Variants in TMEM33 observed in about 807,000 individuals in gnomAD.
TMEM33 encodes the protein transmembrane protein 33.
A neutral mutation model predicts 29.7 loss-of-function variants in TMEM33; 16 were observed. The observed-to-expected ratio is 0.54, with a 90% CI of 0.36 to 0.82. The LOEUF (loss-of-function observed/expected upper bound fraction) is 0.82, where lower values mean the gene tolerates loss of function less well. Ranked by LOEUF, TMEM33 falls within the 40% of genes least tolerant of loss-of-function variation. TMEM33 has a pLI of 0.00. For missense variants in TMEM33, 252 were observed against 295.3 expected (o/e 0.85, Z 1.08); for synonymous variants, 112 against 109.4 (o/e 1.02, Z -0.15).
Position 41,943,897 on chromosome 4 carries a change from C to T in TMEM33, c.396+83C>T, listed in dbSNP as rs1211015818. 3.1e-6 allele frequency: 4 copies of T among 1,294,734 alleles called. No individual in the cohort carries two copies. In the East Asian group the frequency reaches 9.3e-5, roughly 30 times the overall value. The allele number at this position is 1,294,734 out of a possible 1,614,324, so 80.2% of individuals were successfully genotyped here. On this transcript the variant is annotated intron_variant, in intron 4 of 6. Coordinates refer to ENST00000504986, the MANE Select transcript of TMEM33 (RefSeq NM_018126.3). ...AGTTCTAAGACATTTTGGTATTTGT[C>T]ACAAAAAGTCCCTCTATACCTTACA...
intron 3 of TMEM33, among the ~76,000 whole-genome samples, chr4:41,940,475 T>C (rs536421754): frequency 2.9e-4 from 44 of 152,034 alleles, no homozygotes; most frequent in Non-Finnish European, 5.3e-4. Context: ...GGAAAAGAAA[T>C]AGGAGGAAAC....
In TMEM33 at chr4:41,935,479, G is replaced by T. The variant is rs990711810; in HGVS notation, c.-6G>T. On this transcript the variant is annotated 5_prime_UTR_variant, in exon 1 of 7. Coordinates refer to ENST00000504986, the MANE Select transcript of TMEM33 (RefSeq NM_018126.3). Reference sequence around the variant, plus strand: ...TGCGGCGTCGCAGACGCTAGTGTGAGCCCCCATGGCAGATACGACCCCGAA... The same window carrying T: ...TGCGGCGTCGCAGACGCTAGTGTGATCCCCCATGGCAGATACGACCCCGAA... 2 of 1,608,184 alleles carry T rather than the reference G, an allele frequency of 1.2e-6. No homozygotes were observed. The highest frequency in any genetic ancestry group is 1.7e-6 in the Non-Finnish European group (2 of 1,177,382).
rs1321054844 is a variant in TMEM33, at chr4:41,956,981, G to A, written c.*2782G>A. The A allele has an allele frequency of 1.3e-5, 2 of 152,088 alleles. No individual in the cohort carries two copies. Among genetic ancestry groups the A allele is most frequent in the African/African-American group, 4.8e-5 (2 of 41,426 alleles). 9.4% of individuals were successfully genotyped at this position (152,088 alleles called of 1,614,324 possible). ...TACAATAGCAATATATAGAATGAAT[G>A]TAGTAACAGAAATTAACTCTTTACT... On this transcript the variant is annotated 3_prime_UTR_variant, in exon 7 of 7. Transcript: ENST00000504986.
chr4:41,949,198 T>G, intron 5 of TMEM33, 104 bp from the exon 6 acceptor site: 1 of 662,028 alleles, frequency 1.5e-6, no homozygotes, highest in African/African-American at 1.9e-5. Flanking sequence ...GACCATTTGA[T>G]GAATGAAGAT....
At position 41,958,700 on chromosome 4, in the gene TMEM33, CTTTTTTTTTTTTT is replaced by C. The variant is rs750862386; in HGVS notation, c.*4515_*4527del. ...GTAGAGACAACTAGTTTCTCTCGCT[CTTTTTTTTTTTTT>C]TTTTTTTTTTTTTGAGACAGATTCT... On this transcript the variant is annotated 3_prime_UTR_variant, in exon 7 of 7. Coordinates refer to ENST00000504986, the MANE Select transcript of TMEM33 (RefSeq NM_018126.3). 2 of 93,786 alleles carry C rather than the reference CTTTTTTTTTTTTT, an allele frequency of 2.1e-5. No individual in the cohort carries two copies. The highest frequency in any genetic ancestry group is 1.0e-4 in the Admixed American group (1 of 9,620). The allele number at this position is 93,786 out of a possible 1,614,324, so 5.8% of individuals were successfully genotyped here.
chr4:41,935,798 C>G (rs550341808), intron 1 of TMEM33, among the ~76,000 whole-genome samples: 1 of 152,312 alleles, frequency 6.6e-6, no homozygotes, highest in African/African-American at 2.4e-5. Context: ...TTCCTCTTCT[C>G]CCACCTCGGT....
intron 2 of TMEM33, 133 bp downstream of exon 2, chr4:41,938,829 G>A (rs971690933): frequency 1.3e-5 from 10 of 750,718 alleles, no homozygotes; most frequent in Non-Finnish European, 1.8e-5. Flanking sequence ...CAGCCTTCAG[G>A]TACTAACAAC....
At chr4:41,944,308 A>G (rs1439982690) in intron 4 of TMEM33, 1 of 175,574 alleles carries the variant, frequency 5.7e-6, no homozygotes, top group Non-Finnish European at 1.2e-5. Context: ...TAAAATATCC[A>G]GGCACATTTA....
At chr4:41,943,911 C>A in intron 4 of TMEM33, 97 bp downstream of exon 4, 1 of 1,041,476 alleles carries the variant, frequency 9.6e-7, no homozygotes, top group Non-Finnish European at 1.5e-6. Flanking sequence ...AAAAGTCCCT[C>A]TATACCTTAC....
rs1713196038 is a variant in TMEM33, at chr4:41,954,925, C to G, written c.*726C>G. The G allele has an allele frequency of 6.6e-6, 1 of 152,406 alleles. No individual in the cohort carries two copies. The highest frequency in any genetic ancestry group is 6.6e-5 in the Admixed American group (1 of 15,266). 9.4% of individuals were successfully genotyped at this position (152,406 alleles called of 1,614,324 possible). ...GTGACACAGCTTTCCCTTCAAAGAGCCATTGAGAAACATTTCTCAAACAGG... is the reference window on the plus strand; with the variant it reads ...GTGACACAGCTTTCCCTTCAAAGAGGCATTGAGAAACATTTCTCAAACAGG... On this transcript the variant is annotated 3_prime_UTR_variant, in exon 7 of 7. Coordinates refer to ENST00000504986, the MANE Select transcript of TMEM33 (RefSeq NM_018126.3).
Position 41,938,539 on chromosome 4 carries a change from G to A in TMEM33, c.46-63G>A, listed in dbSNP as rs549309960. The stretch of plus-strand genomic sequence containing the variant: ...TTTGAGTAGACATAAAAACCACACA[G>A]TCTTGATGCTTAAAAACATGATTTG... On this transcript the variant is annotated intron_variant, in intron 1 of 6. Coordinates refer to ENST00000504986, the MANE Select transcript of TMEM33 (RefSeq NM_018126.3). 76 of 1,466,746 alleles carry A rather than the reference G, an allele frequency of 5.2e-5. 2 individuals carry two copies. In the South Asian group the frequency reaches 7.4e-4, roughly 14 times the overall value. 90.9% of individuals were successfully genotyped at this position (1,466,746 alleles called of 1,614,324 possible). A position where few individuals can be genotyped will look rare whatever the true frequency, so the allele number is the denominator to read the frequency against.
intron 1 of TMEM33, among the ~76,000 whole-genome samples, chr4:41,936,449 G>A (rs573112634): frequency 6.6e-6 from 1 of 152,312 alleles, no homozygotes; most frequent in Non-Finnish European, 1.5e-5. Flanking sequence ...AGGCCAAGGC[G>A]GGTGGATCGC....
rs746169242 is a variant in TMEM33 at position 41,935,429 on chromosome 4, C to G, written c.-56C>G. On this transcript the variant is annotated 5_prime_UTR_variant, in exon 1 of 7. Coordinates refer to ENST00000504986, the MANE Select transcript of TMEM33 (RefSeq NM_018126.3). ...CCTGGCCCCAGCGCTGACGTTTTCT[C>G]TCCCCTTTCTTCTCTCTTCGCGGTT... 11 of 1,558,042 alleles carry G rather than the reference C, an allele frequency of 7.1e-6. No homozygotes were observed. The highest frequency in any genetic ancestry group is 9.6e-6 in the Non-Finnish European group (11 of 1,147,310).
intron 2 of TMEM33, 65 bp downstream of exon 2, chr4:41,938,761 T>G (rs956476688): frequency 1.3e-6 from 2 of 1,496,628 alleles, no homozygotes; most frequent in African/African-American, 2.8e-5. Context: ...TGGAGTGCCT[T>G]TTAGGTGTAA....
intron 1 of TMEM33, among the ~76,000 whole-genome samples, chr4:41,938,117 A>T (rs1256213025): frequency 1.3e-5 from 2 of 152,208 alleles, no homozygotes; most frequent in African/African-American, 4.8e-5. Context: ...TTTAATCCCA[A>T]CTGGCTTTAT....
At chr4:41,951,307 A>G (rs1165077027) in intron 6 of TMEM33, among the ~76,000 whole-genome samples, 1 of 152,164 alleles carries the variant, frequency 6.6e-6, no homozygotes, top group Non-Finnish European at 1.5e-5. Context: ...TGTGTTGCTG[A>G]TGGCAACTGT....
chr4:41,951,449 G>A (rs1713036611), intron 6 of TMEM33, among the ~76,000 whole-genome samples: 1 of 152,108 alleles, frequency 6.6e-6, no homozygotes, highest in South Asian at 2.1e-4. Flanking sequence ...TCTGTTGTCC[G>A]TGCTGTTAAG....
chr4:41,944,669 C>T (rs1712699776), intron 4 of TMEM33, 124 bp from the exon 5 acceptor site: 4 of 1,091,272 alleles, frequency 3.7e-6, no homozygotes, highest in Non-Finnish European at 3.9e-6. Context: ...AACTTCGTAC[C>T]ATCATTTCCA....
At chr4:41,939,744 A>T (rs1712429092) in intron 3 of TMEM33, 1 of 458,192 alleles carries the variant, frequency 2.2e-6, no homozygotes, top group East Asian at 6.9e-5. Flanking sequence ...TGCTTTAAAA[A>T]AGAGAGGTCC....
Sources: gnomAD v4.1 joint callset for allele counts (sites outside exome capture counted in the v4.1 genomes callset) on GRCh38, gnomAD v4.1.1 for gene constraint, MANE v1.5 for transcripts, NCBI Gene and HGNC (gene_info 2026-07-23, HGNC 2026-07-21) for gene names.